AFM: variants seen among roughly 807,000 people sequenced by gnomAD.
The protein encoded by AFM is afamin.
AFM carries 82 observed loss-of-function variants against 68.7 expected under a neutral mutation model. That is an observed-to-expected ratio of 1.19 (90% CI 1.00 to 1.43). The LOEUF is 1.43. Among genes scored for constraint, AFM ranks in the 40% most tolerant of loss-of-function variants. AFM has a pLI of 0.00. For missense variants in AFM, 772 were observed against 701.8 expected, an observed-to-expected ratio of 1.10 and a Z score of -1.13; for synonymous variants, 250 against 234.2, an observed-to-expected ratio of 1.07 and a Z score of -0.61.
Position 73,497,748 on chromosome 4 carries a change from C to T in AFM, c.1288C>T (p.His430Tyr). The stretch of plus-strand genomic sequence containing the variant: ...TTTGGGGAAGGATGGTTTGAAATAC[C>T]AGTATGTTGTTTGCACAAGTGGGCT... ...QNLGKDGLKYHYLIRLTKIAP... is the reference protein window; with the variant it reads ...QNLGKDGLKYYYLIRLTKIAP... The change falls in exon 10 of 15, where the codon CAT (histidine) becomes TAT (tyrosine). Residue 430 changes from histidine to tyrosine, a missense_variant and splice_region_variant. His to Tyr is a moderately conservative substitution (Grantham distance 83). Coordinates refer to ENST00000226355, the MANE Select transcript of AFM (RefSeq NM_001133.2). The T allele has an allele frequency of 6.3e-7, 1 of 1,580,376 alleles. No homozygotes were observed. The highest frequency in any genetic ancestry group is 8.7e-7 in the Non-Finnish European group (1 of 1,155,908).
chr4:73,498,216 A>G (rs533896289), intron 10 of AFM, among the ~76,000 whole-genome samples: 1 of 152,054 alleles, frequency 6.6e-6, no homozygotes, highest in Non-Finnish European at 1.5e-5. Flanking sequence ...TTTGTGAATA[A>G]TATGCAGTTT....
intron 8 of AFM, 28 bp from the exon 9 acceptor site, chr4:73,495,272 C>G (rs767631581): frequency 6.4e-7 from 1 of 1,551,496 alleles, no homozygotes; most frequent in Non-Finnish European, 8.7e-7. Context: ...TCTCTAATTT[C>G]TAATATACAA....
chr4:73,501,823 C>T lies in AFM; in HGVS notation c.1683C>T (p.Leu561=). ...LVNLVKLKHE[L]TDEELQSLFT... ...ACTTAGTGAAGCTGAAGCATGAACT[C>T]ACAGATGAAGAGCTGCAGTCTTTGT... The change falls in exon 13 of 15, where the codon CTC becomes CTT. Residue 561 remains leucine, a synonymous_variant. Coordinates refer to ENST00000226355, the MANE Select transcript of AFM (RefSeq NM_001133.2). 6.2e-7 allele frequency: 1 copy of T among 1,613,300 alleles called. No homozygotes were observed. Among genetic ancestry groups the T allele is most frequent in the South Asian group, 1.1e-5 (1 of 91,018 alleles).
intron 8 of AFM, among the ~76,000 whole-genome samples, chr4:73,494,105 G>C (rs1340058763): frequency 6.6e-6 from 1 of 151,540 alleles, no homozygotes; most frequent in Non-Finnish European, 1.5e-5. Context: ...CCCACTCCCA[G>C]AGAAGAAGTC....
chr4:73,494,542 G>T (rs1006828953), intron 8 of AFM, among the ~76,000 whole-genome samples: 6 of 152,096 alleles, frequency 3.9e-5, no homozygotes, highest in Non-Finnish European at 1.5e-5. Context: ...TTGATAGGAA[G>T]GTGCTTAACC....
rs373022359 is a variant in AFM, at chr4:73,503,042, C to T, written c.1780-8C>T. Reference sequence around the variant, plus strand: ...CCTATGTGTTTTTATTTCCATCCCTCACCTCAGAGTCCAAAAATTGGCAAC... The same window carrying T: ...CCTATGTGTTTTTATTTCCATCCCTTACCTCAGAGTCCAAAAATTGGCAAC... On this transcript the variant is annotated splice_region_variant and splice_polypyrimidine_tract_variant and intron_variant, in intron 13 of 14. Transcript: ENST00000226355. The T allele has an allele frequency of 2.5e-6, 4 of 1,612,772 alleles. No individual in the cohort carries two copies. Among genetic ancestry groups the T allele is most frequent in the Non-Finnish European group, 3.4e-6 (4 of 1,179,158 alleles).
At position 73,481,775 on chromosome 4, in the gene AFM, G is replaced by T; in HGVS notation, c.-1G>T. 1 of 1,567,220 alleles carries T rather than the reference G, an allele frequency of 6.4e-7. No individual in the cohort carries two copies. Among genetic ancestry groups the T allele is most frequent in the Non-Finnish European group, 8.7e-7 (1 of 1,147,996 alleles). On this transcript the variant is annotated 5_prime_UTR_variant, in exon 1 of 15. Coordinates refer to ENST00000226355, the MANE Select transcript of AFM (RefSeq NM_001133.2). ...CTTTTGTAAATGTGGTTTCTACAAA[G>T]ATGAAACTACTAAAACTTACAGGTT...
intron 3 of AFM, 46 bp downstream of exon 3, chr4:73,484,436 CTTTCTCTT>C (rs1423748287): frequency 1.6e-6 from 2 of 1,277,028 alleles, no homozygotes; most frequent in East Asian, 2.8e-5. Context: ...TTATGTCTTT[CTTTCTCTT>C]TCTTTCTTTC....
intron 3 of AFM, among the ~76,000 whole-genome samples, chr4:73,485,362 A>G (rs1269900863): frequency 1.3e-5 from 2 of 152,098 alleles, no homozygotes; most frequent in Non-Finnish European, 2.9e-5. Flanking sequence ...AAGACAGAGG[A>G]ACAAAGATTC....
intron 10 of AFM, 62 bp from the exon 11 acceptor site, chr4:73,499,052 T>C: frequency 6.4e-7 from 1 of 1,559,230 alleles, no homozygotes; most frequent in Non-Finnish European, 8.7e-7. Context: ...GCTTCAGCAG[T>C]AATTCAAGGG....
At chr4:73,487,559 G>T (rs182024210) in intron 5 of AFM, among the ~76,000 whole-genome samples, 165 bp from the exon 6 acceptor site, 1 of 152,112 alleles carries the variant, frequency 6.6e-6, no homozygotes, top group South Asian at 2.1e-4. Context: ...GTGATGTGCC[G>T]TAAGTGCATA....
chr4:73,500,208 C>T lies in AFM; in HGVS notation c.1627C>T (p.Leu543Phe), dbSNP rs1721391302. 1 of 1,612,496 alleles carries T rather than the reference C, an allele frequency of 6.2e-7. No homozygotes were observed. The highest frequency in any genetic ancestry group is 1.3e-5 in the African/African-American group (1 of 74,886). ...CATGTGTCAATCTCAGAATGAGGAG[C>T]TTCAGAGGAAGACAGACAGGTACAA... ...ADMCQSQNEE[L>F]QRKTDRFLVN... The change falls in exon 12 of 15, where the codon CTT (leucine) becomes TTT (phenylalanine). Residue 543 changes from leucine to phenylalanine, a missense_variant. Transcript: ENST00000226355.
Position 73,491,973 on chromosome 4 carries a change from T to A in AFM, c.945T>A (p.Ile315=). The change falls in exon 8 of 15, where the codon ATT becomes ATA. Residue 315 remains isoleucine, a synonymous_variant. Transcript: ENST00000226355. ...KKIPERGQCI[I]NSNKDDRPKD... is the part of the protein sequence containing the mutation. ...TACCAGAGCGCGGCCAGTGCATAATTAACTCAAACAAAGATGATAGACCAA... is the reference window on the plus strand; with the variant it reads ...TACCAGAGCGCGGCCAGTGCATAATAAACTCAAACAAAGATGATAGACCAA... 6.2e-7 allele frequency: 1 copy of A among 1,613,874 alleles called. No homozygotes were observed. The highest frequency in any genetic ancestry group is 8.5e-7 in the Non-Finnish European group (1 of 1,179,884).
chr4:73,485,684 GAGA>G (rs1560408721), intron 3 of AFM, among the ~76,000 whole-genome samples, 175 bp from the exon 4 acceptor site: 1 of 136,076 alleles, frequency 7.3e-6, no homozygotes, highest in East Asian at 2.5e-4. Flanking sequence ...GGAGGTGGAA[GAGA>G]AGGAGGGGGG....
chr4:73,483,838 G>T, intron 1 of AFM, 103 bp from the exon 2 acceptor site: 2 of 924,722 alleles, frequency 2.2e-6, no homozygotes, highest in African/African-American at 1.8e-5. Context: ...GTCATCAGTG[G>T]TCTATTTTGT....
chr4:73,502,955 T>A, intron 13 of AFM, 95 bp from the exon 14 acceptor site: 1 of 1,199,944 alleles, frequency 8.3e-7, no homozygotes, highest in Non-Finnish European at 1.2e-6. Flanking sequence ...ATGATTTAAT[T>A]TTCTTCAAAA....
At position 73,491,867 on chromosome 4, in the gene AFM, T is replaced by C. The variant is rs1400152971; in HGVS notation, c.844-5T>C. On this transcript the variant is annotated splice_region_variant and splice_polypyrimidine_tract_variant and intron_variant, in intron 7 of 14. Coordinates refer to ENST00000226355, the MANE Select transcript of AFM (RefSeq NM_001133.2). ...AAAATAATCTCTCATTCTTATTTGG[T>C]ACAGAGCAAGGTTATGAACCATATT... 2 of 1,610,158 alleles carry C rather than the reference T, an allele frequency of 1.2e-6. No homozygotes were observed. Among genetic ancestry groups the C allele is most frequent in the Non-Finnish European group, 1.7e-6 (2 of 1,177,754 alleles).
At position 73,500,204 on chromosome 4, in the gene AFM, G is replaced by A. The variant is rs1314959924; in HGVS notation, c.1623G>A (p.Glu541=). 1 of 1,613,026 alleles carries A rather than the reference G, an allele frequency of 6.2e-7. No individual in the cohort carries two copies. The highest frequency in any genetic ancestry group is 8.5e-7 in the Non-Finnish European group (1 of 1,179,494). ...CAGACATGTGTCAATCTCAGAATGA[G>A]GAGCTTCAGAGGAAGACAGACAGGT... The part of the protein sequence containing the change: ...FHADMCQSQN[E]ELQRKTDRFL... Residue 541 remains glutamate, a synonymous_variant, in exon 12 of 15, where the codon GAG becomes GAA. Transcript: ENST00000226355.
intron 14 of AFM, among the ~76,000 whole-genome samples, chr4:73,503,484 G>A (rs965085512): frequency 6.6e-6 from 1 of 152,118 alleles, no homozygotes; most frequent in African/African-American, 2.4e-5. Context: ...GAGGTGGGCA[G>A]ACAGACCTCA....
Sources: allele counts gnomAD v4.1 joint callset (sites outside exome capture counted in the v4.1 genomes callset), GRCh38; gene constraint gnomAD v4.1.1; transcripts MANE v1.5; gene names NCBI Gene and HGNC (gene_info 2026-07-23, HGNC 2026-07-21).